POC1B: variants seen among roughly 807,000 people sequenced by gnomAD.
The protein encoded by POC1B is POC1 centriolar protein homolog B.
In POC1B, 44 loss-of-function variants were observed where a neutral mutation model predicts 60.6. The observed-to-expected ratio is 0.73, with a 90% CI of 0.57 to 0.93. The LOEUF is 0.93. Among genes scored for constraint, POC1B ranks in the 40% least tolerant of loss-of-function variants. The pLI is 0.00. For missense variants in POC1B, 555 were observed against 572.3 expected (o/e 0.97, Z 0.31); for synonymous variants, 180 against 198.9 (o/e 0.90, Z 0.80).
At chr12:89,497,906 C>A (rs933527703) in intron 2 of POC1B, among the ~76,000 whole-genome samples, 1 of 152,126 alleles carries the variant, frequency 6.6e-6, no homozygotes, top group Non-Finnish European at 1.5e-5. Context: ...TTTCTCCTTG[C>A]GCATGAACAC....
At chr12:89,518,821 T>C (rs1315157939) in intron 2 of POC1B, among the ~76,000 whole-genome samples, 1 of 152,192 alleles carries the variant, frequency 6.6e-6, no homozygotes, top group Non-Finnish European at 1.5e-5. Flanking sequence ...AGAATACAAG[T>C]ATTTACAGGA....
rs529701076 is a variant in POC1B, at chr12:89,443,409, G to A, written c.1113+16229C>T. 5.3e-5 allele frequency among the ~76,000 whole-genome samples: 8 copies of A among 152,242 alleles called. No individual in the cohort carries two copies. In the East Asian group the frequency reaches 9.6e-4, roughly 18 times the overall value. Reference sequence around the variant, plus strand: ...AGAAATGATAACAAACTGTCTCTCAGACCACAATGCAATCAAACTAGAACT... The same window carrying A: ...AGAAATGATAACAAACTGTCTCTCAAACCACAATGCAATCAAACTAGAACT... On this transcript the variant is annotated intron_variant, in intron 10 of 11. Coordinates refer to ENST00000313546, the MANE Select transcript of POC1B (RefSeq NM_172240.3).
At chr12:89,482,369 A>C (rs1046350845) in intron 4 of POC1B, among the ~76,000 whole-genome samples, 2 of 152,202 alleles carry the variant, frequency 1.3e-5, no homozygotes, top group Non-Finnish European at 2.9e-5. Flanking sequence ...ACATACATGA[A>C]TCTGGAGCTT....
At chr12:89,465,256 C>T (rs1490245819) in intron 9 of POC1B, among the ~76,000 whole-genome samples, 1 of 152,116 alleles carries the variant, frequency 6.6e-6, no homozygotes, top group Non-Finnish European at 1.5e-5. Context: ...AAGCCTAGCA[C>T]TCTGAAATGA....
chr12:89,521,491 T>C (rs1297601524), intron 2 of POC1B: 1 of 152,294 alleles, frequency 6.6e-6, no homozygotes, highest in Non-Finnish European at 1.5e-5. Flanking sequence ...ACATTACCTA[T>C]GTCAAAAGTG....
rs1464599160 is a variant in POC1B, at chr12:89,462,248, A to T, written c.1033-2530T>A. The stretch of plus-strand genomic sequence containing the variant: ...GGGTGATATGGTTAAATTCTTTGCT[A>T]GCTAACTCTCAGGAATACTAACAGT... On this transcript the variant is annotated intron_variant, in intron 9 of 11. Coordinates refer to ENST00000313546, the MANE Select transcript of POC1B (RefSeq NM_172240.3). Among the ~76,000 whole-genome samples, 5 of 152,318 alleles carry T rather than the reference A, an allele frequency of 3.3e-5. No individual in the cohort carries two copies. The East Asian group carries it at 9.6e-4, about 29-fold the overall frequency.
rs1164171425 is a variant in POC1B at position 89,525,965 on chromosome 12, A to G, written c.-70T>C. On this transcript the variant is annotated 5_prime_UTR_variant, in exon 1 of 12. Coordinates refer to ENST00000313546, the MANE Select transcript of POC1B (RefSeq NM_172240.3). ...GAGAGGGGAGGGGAGAGGATGGGGA[A>G]GGAGAGGGGACCGTGCGGCTCCCGG... is the stretch of plus-strand genomic sequence containing the variant. 2.6e-6 allele frequency: 4 copies of G among 1,543,958 alleles called. No individual in the cohort carries two copies. The highest frequency in any genetic ancestry group is 3.5e-6 in the Non-Finnish European group (4 of 1,144,208).
At chr12:89,412,317 C>T in the POC1B span, among the ~76,000 whole-genome samples, 6 of 151,578 alleles carry the variant, frequency 4.0e-5, no homozygotes, top group African/African-American at 7.3e-5. Context: ...CAAAGTGATC[C>T]GTGCTGGCAT....
At chr12:89,426,947 T>C (rs1368039074) in intron 10 of POC1B, 1 of 152,162 alleles carries the variant, frequency 6.6e-6, no homozygotes, top group Non-Finnish European at 1.5e-5. Flanking sequence ...ATCAAAAACC[T>C]TAATATTATT....
At chr12:89,454,327 C>T (rs77829226) in intron 10 of POC1B, among the ~76,000 whole-genome samples, 1 of 152,184 alleles carries the variant, frequency 6.6e-6, no homozygotes, top group African/African-American at 2.4e-5. Flanking sequence ...AGAATCCGAT[C>T]GCTTATCACC....
intron 2 of POC1B, chr12:89,522,881 G>T (rs375709415): frequency 6.2e-7 from 1 of 1,611,912 alleles, no homozygotes; most frequent in South Asian, 1.1e-5. Flanking sequence ...ACATCAGGTC[G>T]GCCCTCCGGT....
At chr12:89,403,778 T>C in the POC1B span, among the ~76,000 whole-genome samples, 1 of 152,186 alleles carries the variant, frequency 6.6e-6, no homozygotes, top group African/African-American at 2.4e-5. Context: ...TTTCAGATAG[T>C]ACTCATTGTT....
chr12:89,461,605 AT>A (rs1882484952), intron 9 of POC1B: 1 of 152,350 alleles, frequency 6.6e-6, no homozygotes, highest in African/African-American at 2.4e-5. Flanking sequence ...GAGTGGAATA[AT>A]TTTTAAAGCA....
Position 89,421,144 on chromosome 12 carries a change from A to G in POC1B, c.*9T>C. The stretch of plus-strand genomic sequence containing the variant: ...GCCTCTGCCCAACAAATGAAAATGA[A>G]TTTTTTATTCAGCTTTTCTGTTGGA... On this transcript the variant is annotated 3_prime_UTR_variant, in exon 12 of 12. Transcript: ENST00000313546. 6.4e-7 allele frequency: 1 copy of G among 1,571,450 alleles called. No homozygotes were observed. Among genetic ancestry groups the G allele is most frequent in the Non-Finnish European group, 8.7e-7 (1 of 1,148,450 alleles).
intron 2 of POC1B, chr12:89,502,277 G>A: frequency 6.4e-7 from 1 of 1,565,972 alleles, no homozygotes; most frequent in African/African-American, 1.3e-5. Flanking sequence ...CCAAAGAACA[G>A]AATCCATCAC....
At chr12:89,443,351 A>T (rs961627100) in intron 10 of POC1B, among the ~76,000 whole-genome samples, 3 of 152,248 alleles carry the variant, frequency 2.0e-5, no homozygotes, top group Non-Finnish European at 4.4e-5. Context: ...ATATAGTTGG[A>T]AGTAAAGCAC....
At chr12:89,457,138 T>A (rs1328117214) in intron 10 of POC1B, among the ~76,000 whole-genome samples, 1 of 152,176 alleles carries the variant, frequency 6.6e-6, no homozygotes, top group African/African-American at 2.4e-5. Flanking sequence ...GGTTTTTAAA[T>A]TACAATCACA....
At chr12:89,511,397 C>CA in intron 2 of POC1B, among the ~76,000 whole-genome samples, 1 of 137,748 alleles carries the variant, frequency 7.3e-6, no homozygotes, top group Non-Finnish European at 1.5e-5. Flanking sequence ...GCCTGGGCAA[C>CA]AAAGTGAGAC....
At chr12:89,491,633 A>G (rs1592623975) in intron 4 of POC1B, among the ~76,000 whole-genome samples, 1 of 149,052 alleles carries the variant, frequency 6.7e-6, no homozygotes, top group African/African-American at 2.5e-5. Context: ...TCAAAAAAAA[A>G]AAAAAGAAAA....
Sources: gnomAD v4.1 joint callset for allele counts (sites outside exome capture counted in the v4.1 genomes callset) on GRCh38, gnomAD v4.1.1 for gene constraint, MANE v1.5 for transcripts, NCBI Gene and HGNC (gene_info 2026-07-23, HGNC 2026-07-21) for gene names.